COL14A1: variants seen among roughly 807,000 people sequenced by gnomAD.
COL14A1 encodes the protein collagen type XIV alpha 1 chain.
COL14A1 carries 136 observed loss-of-function variants against 230.3 expected under a neutral mutation model. The observed-to-expected ratio is 0.59, with a 90% CI of 0.51 to 0.68. COL14A1 has a LOEUF of 0.68. Ranked by LOEUF, COL14A1 falls within the 30% of genes least tolerant of loss-of-function variation. The pLI is 0.00. For missense variants in COL14A1, 1,976 were observed against 2,215.8 expected (o/e 0.89, Z 2.17); for synonymous variants, 792 against 784.1 (o/e 1.01, Z -0.17).
At chr8:120,219,785 G>A (rs1817872784) in intron 14 of COL14A1, among the ~76,000 whole-genome samples, 1 of 152,114 alleles carries the variant, frequency 6.6e-6, no homozygotes, top group Non-Finnish European at 1.5e-5. Context: ...ACATATGTTT[G>A]GGGGTTTTTT....
At position 120,146,855 on chromosome 8, in the gene COL14A1, G is replaced by T. The variant is rs887297926; in HGVS notation, c.-37-951G>T. On this transcript the variant is annotated intron_variant, in intron 1 of 47. Coordinates refer to ENST00000297848, the MANE Select transcript of COL14A1 (RefSeq NM_021110.4). Reference sequence around the variant, plus strand: ...AAAATGAATTAAAAAATATGCCCTGGGTAGAAGAAAACTTTGGAGATATTT... The same window carrying T: ...AAAATGAATTAAAAAATATGCCCTGTGTAGAAGAAAACTTTGGAGATATTT... Among the ~76,000 whole-genome samples, 20 of 152,002 alleles carry T rather than the reference G, an allele frequency of 1.3e-4. No individual in the cohort carries two copies. In the East Asian group the frequency reaches 3.9e-3, roughly 29 times the overall value.
At chr8:120,344,789 A>G (rs1176431581) in intron 44 of COL14A1, among the ~76,000 whole-genome samples, 1 of 152,230 alleles carries the variant, frequency 6.6e-6, no homozygotes, top group Non-Finnish European at 1.5e-5. Flanking sequence ...TTAGTAACAT[A>G]TATCTGTATA....
rs2130709947 is a variant in COL14A1 at position 120,196,875 on chromosome 8, T to A, written c.521T>A (p.Phe174Tyr). The change falls in exon 6 of 48, where the codon TTC becomes TAC. Residue 174 changes from phenylalanine to tyrosine, a missense_variant. Coordinates refer to ENST00000297848, the MANE Select transcript of COL14A1 (RefSeq NM_021110.4). ...TCATGGAGTATTGGAAGATTCAACT[T>A]CAGACTGGTTCGGCATTTCTTGGAA... ...DGSWSIGRFN[F>Y]RLVRHFLENL... 6.2e-7 allele frequency: 1 copy of A among 1,614,012 alleles called. No individual in the cohort carries two copies. Among genetic ancestry groups the A allele is most frequent in the East Asian group, 2.2e-5 (1 of 44,888 alleles).
Position 120,317,889 on chromosome 8 carries a change from A to C in COL14A1, c.4659+1892A>C, listed in dbSNP as rs150689264. On this transcript the variant is annotated intron_variant, in intron 40 of 47. Transcript: ENST00000297848. ...TCCTTTCTCTTCCAATCTGGAAGTC[A>C]AACTTTTAGAGTATGTCTGATTCTT... is the stretch of plus-strand genomic sequence containing the variant. Among the ~76,000 whole-genome samples, 577 of 152,312 alleles carry C rather than the reference A, an allele frequency of 3.8e-3. 3 individuals are homozygous for C. Among genetic ancestry groups the C allele is most frequent in the Middle Eastern group, 0.034 (10 of 294 alleles).
intron 1 of COL14A1, among the ~76,000 whole-genome samples, chr8:120,146,736 C>T (rs958032679): frequency 3.3e-5 from 5 of 151,846 alleles, no homozygotes; most frequent in Non-Finnish European, 5.9e-5. Context: ...AATTTGGCAC[C>T]GTTATCTGAT....
chr8:120,196,408 C>T (rs551544741), intron 5 of COL14A1, among the ~76,000 whole-genome samples: 4 of 152,268 alleles, frequency 2.6e-5, no homozygotes, highest in African/African-American at 9.6e-5. Context: ...CTTTTTGCCT[C>T]CTGGCCGTCT....
Position 120,227,338 on chromosome 8 carries a change from C to T in COL14A1, c.2123C>T (p.Ala708Val), listed in dbSNP as rs770893014. Reference protein sequence around the residue: ...DDGSESEVVTAVGTTLDSFWT... With the variant: ...DDGSESEVVTVVGTTLDSFWT... ...GGAAGCGAGAGTGAGGTGGTGACTG[C>T]TGTCGGGACCACACGTAAGTCTTGG... The change falls in exon 17 of 48, where the codon GCT (alanine) becomes GTT (valine). Residue 708 changes from alanine to valine, a missense_variant. Ala to Val is a moderately conservative substitution (Grantham distance 64). Coordinates refer to ENST00000297848, the MANE Select transcript of COL14A1 (RefSeq NM_021110.4). The T allele has an allele frequency of 1.2e-6, 2 of 1,613,558 alleles. No homozygotes were observed. The highest frequency in any genetic ancestry group is 3.3e-5 in the Admixed American group (2 of 59,978).
Position 120,372,834 on chromosome 8 carries a change from G to T in COL14A1, c.*1603G>T, listed in dbSNP as rs562688980. Among the ~76,000 whole-genome samples, 47 of 152,090 alleles carry T rather than the reference G, an allele frequency of 3.1e-4. No homozygotes were observed. Among genetic ancestry groups the T allele is most frequent in the African/African-American group, 1.1e-3 (47 of 41,478 alleles). On this transcript the variant is annotated 3_prime_UTR_variant, in exon 48 of 48. Transcript: ENST00000297848. ...CTTTGGTGGGGTGGGGCAGGGGCGG[G>T]GGGCGGTTCTAAACAAATCAGTTTT...
chr8:120,360,426 G>T (rs1042453533), intron 45 of COL14A1, among the ~76,000 whole-genome samples: 1 of 152,122 alleles, frequency 6.6e-6, no homozygotes, highest in Non-Finnish European at 1.5e-5. Context: ...ATATTCTATT[G>T]CCTGTGAAAC....
chr8:120,262,246 G>T (rs1819353286), intron 23 of COL14A1, among the ~76,000 whole-genome samples: 1 of 152,118 alleles, frequency 6.6e-6, no homozygotes, highest in Non-Finnish European at 1.5e-5. Context: ...GCTGAGGCGG[G>T]TGGATCATCT....
intron 19 of COL14A1, among the ~76,000 whole-genome samples, chr8:120,240,359 G>A (rs1438038291): frequency 6.6e-6 from 1 of 152,102 alleles, no homozygotes; most frequent in South Asian, 2.1e-4. Context: ...AGTGTTTTAT[G>A]AAGTGTTACT....
chr8:120,183,787 C>T (rs1017213712), intron 5 of COL14A1, among the ~76,000 whole-genome samples: 11 of 152,240 alleles, frequency 7.2e-5, no homozygotes, highest in South Asian at 4.1e-4. Context: ...CAAATGCGTA[C>T]GGCTTTGATT....
At chr8:120,306,202 G>T (rs1012541780) in intron 36 of COL14A1, among the ~76,000 whole-genome samples, 1 of 152,050 alleles carries the variant, frequency 6.6e-6, no homozygotes, top group African/African-American at 2.4e-5. Flanking sequence ...GTTTTAGCCA[G>T]CATTAATACA....
chr8:120,151,413 G>T (rs184229657), intron 2 of COL14A1, among the ~76,000 whole-genome samples: 2 of 152,172 alleles, frequency 1.3e-5, no homozygotes, highest in African/African-American at 2.4e-5. Context: ...GGCTAAGGCA[G>T]GCGGATCATG....
chr8:120,339,135 C>T (rs1253748896), intron 42 of COL14A1, among the ~76,000 whole-genome samples: 13 of 152,154 alleles, frequency 8.5e-5, no homozygotes, highest in Admixed American at 2.0e-4. Context: ...CCACCACGCC[C>T]GGCTAATTTT....
chr8:120,307,522 A>C (rs768709735), intron 36 of COL14A1, among the ~76,000 whole-genome samples: 3 of 152,252 alleles, frequency 2.0e-5, no homozygotes, highest in Non-Finnish European at 4.4e-5. Context: ...ATGCATTTCC[A>C]TCACCAAGCA....
chr8:120,276,387 A>G (rs1454683543), intron 26 of COL14A1, among the ~76,000 whole-genome samples: 5 of 148,922 alleles, frequency 3.4e-5, no homozygotes, highest in African/African-American at 1.2e-4. Context: ...GATGAAGGAT[A>G]AAAAAACTAC....
intron 45 of COL14A1, among the ~76,000 whole-genome samples, chr8:120,365,475 G>A (rs545838187): frequency 6.6e-6 from 1 of 152,110 alleles, no homozygotes; most frequent in Non-Finnish European, 1.5e-5. Context: ...CTAAATTCCC[G>A]GATGCACATT....
chr8:120,199,611 A>C, intron 8 of COL14A1, 45 bp downstream of exon 8: 2 of 1,554,254 alleles, frequency 1.3e-6, no homozygotes, highest in South Asian at 1.2e-5. Flanking sequence ...GCATAGACCC[A>C]CAACCACTTA....
Sources: allele counts gnomAD v4.1 joint callset (sites outside exome capture counted in the v4.1 genomes callset), GRCh38; gene constraint gnomAD v4.1.1; transcripts MANE v1.5; gene names NCBI Gene and HGNC (gene_info 2026-07-23, HGNC 2026-07-21).